Variants in COQ7 observed in about 807,000 individuals in gnomAD.
The protein encoded by COQ7 is coenzyme Q7, hydroxylase, also known as NADPH-dependent 3-demethoxyubiquinone 3-hydroxylase, mitochondrial.
A neutral mutation model predicts 25.0 loss-of-function variants in COQ7; 21 were observed. The observed-to-expected ratio is 0.84, with a 90% CI of 0.60 to 1.21. COQ7 has a LOEUF of 1.21. Among genes scored for constraint, COQ7 ranks in the 50% most tolerant of loss-of-function variants. COQ7 has a pLI of 0.00. For missense variants in COQ7, 311 were observed against 296.2 expected (o/e 1.05, Z -0.37); for synonymous variants, 125 against 112.4 (o/e 1.11, Z -0.71).
chr16:19,075,736 T>C lies in COQ7; in HGVS notation c.383T>C (p.Leu128Ser), dbSNP rs753619145. 2.0e-5 allele frequency: 31 copies of C among 1,586,436 alleles called. No homozygotes were observed. Among genetic ancestry groups the C allele is most frequent in the Non-Finnish European group, 2.6e-5 (30 of 1,167,760 alleles). The change falls in exon 4 of 6, where the codon TTG (leucine) becomes TCG (serine). Residue 128 changes from leucine to serine, a missense_variant. By Grantham distance (145) the Leu-to-Ser change is moderately radical. Coordinates refer to ENST00000321998, the MANE Select transcript of COQ7 (RefSeq NM_016138.5). Reference sequence around the variant, plus strand: ...ACAATCCCAGGGGCGGGGACCGCCTTGCTCGGGAAGGAAGGTGCCATGGCC... The same window carrying C: ...ACAATCCCAGGGGCGGGGACCGCCTCGCTCGGGAAGGAAGGTGCCATGGCC... Reference protein sequence around the residue: ...LGFALGAGTALLGKEGAMACT... With the variant: ...LGFALGAGTASLGKEGAMACT...
rs1567540110 is a variant in COQ7, at chr16:19,071,980, C to T, written c.126C>T (p.Asp42=). 2 of 1,614,220 alleles carry T rather than the reference C, an allele frequency of 1.2e-6. No individual in the cohort carries two copies. The highest frequency in any genetic ancestry group is 2.2e-5 in the East Asian group (1 of 44,886). ...VRFRSSGMTL[D]NISRAAVDRI... is the part of the protein sequence containing the mutation. ...TTCGCAGTTCAGGAATGACTTTAGA[C>T]AATATCAGTCGGGCAGCTGTGGATC... Residue 42 remains aspartate (D), a synonymous_variant, in exon 2 of 6, where the codon GAC becomes GAT. Coordinates refer to ENST00000321998, the MANE Select transcript of COQ7 (RefSeq NM_016138.5).
At chr16:19,068,123 A>G (rs1321681805) in intron 1 of COQ7, 1 of 1,064,230 alleles carries the variant, frequency 9.4e-7, no homozygotes, top group Non-Finnish European at 1.1e-6. Context: ...GGGTAGCCCG[A>G]CGACCAGCAG....
intron 1 of COQ7, among the ~76,000 whole-genome samples, chr16:19,069,248 T>C (rs546044661): frequency 6.6e-6 from 1 of 152,326 alleles, no homozygotes; most frequent in South Asian, 2.1e-4. Flanking sequence ...TGAATGTGAA[T>C]TTTAATGCTG....
At chr16:19,070,406 G>A (rs1184303657) in intron 1 of COQ7, among the ~76,000 whole-genome samples, 4 of 152,192 alleles carry the variant, frequency 2.6e-5, no homozygotes, top group African/African-American at 7.2e-5. Context: ...AGACATGGTA[G>A]TCACGGCTAA....
intron 4 of COQ7, among the ~76,000 whole-genome samples, chr16:19,076,559 T>A (rs568026424): frequency 6.7e-6 from 1 of 150,162 alleles, no homozygotes; most frequent in African/African-American, 2.4e-5. Context: ...ATTACAGGTG[T>A]GAGCCACACC....
At chr16:19,068,129 A>G (rs1293805545) in intron 1 of COQ7, 7 of 1,063,418 alleles carry the variant, frequency 6.6e-6, no homozygotes, top group Non-Finnish European at 8.0e-6. Flanking sequence ...CCCGACGACC[A>G]GCAGCCTCCG....
intron 3 of COQ7, among the ~76,000 whole-genome samples, chr16:19,074,782 C>T (rs552760985): frequency 6.6e-6 from 1 of 152,192 alleles, no homozygotes; most frequent in South Asian, 2.1e-4. Flanking sequence ...GGCCTCAAGC[C>T]ATCTTCCCTC....
At position 19,075,871 on chromosome 16, in the gene COQ7, G is replaced by A. The variant is rs768772476; in HGVS notation, c.507+11G>A. 1.1e-5 allele frequency: 17 copies of A among 1,614,012 alleles called. No individual in the cohort carries two copies. The highest frequency in any genetic ancestry group is 4.5e-5 in the East Asian group (2 of 44,894). On this transcript the variant is annotated intron_variant, in intron 4 of 5. Transcript: ENST00000321998. ...GAGGAACTTCTTCAGGTATTTATCC[G>A]TGCTCTAGAACGGGGCTGCTCAAGG...
At chr16:19,068,421 G>A (rs1252782385) in intron 1 of COQ7, 4 of 986,138 alleles carry the variant, frequency 4.1e-6, no homozygotes, top group Middle Eastern at 5.2e-4. Flanking sequence ...GGAGGCCGAG[G>A]CTGGAGGATC....
downstream of COQ7, among the ~76,000 whole-genome samples, chr16:19,080,347 G>A (rs924611012): frequency 2.6e-5 from 4 of 152,188 alleles, no homozygotes; most frequent in Non-Finnish European, 5.9e-5. Context: ...AAAAAAGAAG[G>A]GAAAGGCAAG....
At chr16:19,069,474 G>A (rs1340595466) in intron 1 of COQ7, among the ~76,000 whole-genome samples, 6 of 146,456 alleles carry the variant, frequency 4.1e-5, no homozygotes, top group East Asian at 4.2e-4. Context: ...GCAGTGGCGC[G>A]ATCTCAGCTC....
chr16:19,067,784 A>G (rs993565721), intron 1 of COQ7, 47 bp downstream of exon 1: 2 of 1,575,350 alleles, frequency 1.3e-6, no homozygotes, highest in East Asian at 4.6e-5. Flanking sequence ...CTAGCGAGCT[A>G]GGGAATTTTC....
At chr16:19,074,130 T>G in intron 3 of COQ7, 95 bp downstream of exon 3, 2 of 852,106 alleles carry the variant, frequency 2.3e-6, no homozygotes, top group South Asian at 1.7e-5. Flanking sequence ...TGTGTCCTCT[T>G]ATGACCTCAT....
chr16:19,075,915 A>C, intron 4 of COQ7, 55 bp downstream of exon 4: 1 of 1,610,440 alleles, frequency 6.2e-7, no homozygotes, highest in South Asian at 1.1e-5. Flanking sequence ...GGCAGATAGC[A>C]ATTGGGTAAG....
At position 19,070,531 on chromosome 16, in the gene COQ7, G is replaced by A. The variant is rs186202456; in HGVS notation, c.74-1397G>A. Among the ~76,000 whole-genome samples, 13 of 152,050 alleles carry A rather than the reference G, an allele frequency of 8.5e-5. No homozygotes were observed. The East Asian group carries it at 1.9e-3, about 23-fold the overall frequency. ...GAGGATTGCTTGAGCTCAGGAGTTC[G>A]AGACCAGCCTGGGCAACATGGTGAA... On this transcript the variant is annotated intron_variant, in intron 1 of 5. Coordinates refer to ENST00000321998, the MANE Select transcript of COQ7 (RefSeq NM_016138.5).
downstream of COQ7, among the ~76,000 whole-genome samples, chr16:19,082,662 C>T (rs772993620): frequency 3.3e-5 from 5 of 151,676 alleles, no homozygotes; most frequent in South Asian, 2.1e-4. Flanking sequence ...CAGCTACTCA[C>T]GAGCTGAGGC....
intron 1 of COQ7, 34 bp from the exon 2 acceptor site, chr16:19,071,894 T>C: frequency 6.2e-7 from 1 of 1,612,360 alleles, no homozygotes; most frequent in Non-Finnish European, 8.5e-7. Context: ...GGATTTTACC[T>C]GATCATAACG....
intron 4 of COQ7, 50 bp from the exon 5 acceptor site, chr16:19,077,256 G>A: frequency 6.6e-7 from 1 of 1,507,890 alleles, no homozygotes; most frequent in South Asian, 1.1e-5. Context: ...AAATGGAACA[G>A]CAGGAGAGTT....
intron 4 of COQ7, among the ~76,000 whole-genome samples, chr16:19,076,539 A>G (rs1460660471): frequency 1.3e-5 from 2 of 149,878 alleles, no homozygotes; most frequent in African/African-American, 2.5e-5. Flanking sequence ...CGGCCTCCCA[A>G]AGTGCTGAGA....
Sources: allele counts gnomAD v4.1 joint callset (sites outside exome capture counted in the v4.1 genomes callset), GRCh38; gene constraint gnomAD v4.1.1; transcripts MANE v1.5; gene names NCBI Gene and HGNC (gene_info 2026-07-23, HGNC 2026-07-21).